The following BACE2 variants were observed in gnomAD, a reference collection of about 807,000 sequenced individuals.
BACE2 encodes 56 kDa aspartic-like protease.
Under a neutral mutation model 46.2 loss-of-function variants are expected in BACE2, and 17 were observed. The ratio of observed to expected loss-of-function variants is 0.37; its 90% CI spans 0.25 to 0.55. BACE2 has a LOEUF of 0.55. Ranked by LOEUF, BACE2 falls within the 20% of genes least tolerant of loss-of-function variation. The pLI, the probability that BACE2 is intolerant of heterozygous loss-of-function variation, is 0.82. For synonymous variants in BACE2, 277 were observed against 295.9 expected (o/e 0.94, Z 0.66); for missense variants, 595 against 698.1 (o/e 0.85, Z 1.66).
rs1264046543 is a variant in BACE2, at chr21:41,281,860, G to T, written c.*6236G>T. 6.6e-6 allele frequency: 1 copy of T among 152,138 alleles called. No homozygotes were observed. Among genetic ancestry groups the T allele is most frequent in the Non-Finnish European group, 1.5e-5 (1 of 68,026 alleles). 9.4% of individuals were successfully genotyped at this position (152,138 alleles called of 1,614,324 possible). A position where few individuals can be genotyped will look rare whatever the true frequency, so the allele number is the denominator to read the frequency against. On this transcript the variant is annotated 3_prime_UTR_variant, in exon 9 of 9. Transcript: ENST00000330333. ...CATCTCTCACATTTATATCAGTGAG[G>T]TTTGAAATTCTGTGTAGCAGTTACT...
At position 41,168,433 on chromosome 21, in the gene BACE2, C is replaced by G; in HGVS notation, c.170C>G (p.Ala57Gly). Residue 57 changes from alanine to glycine, a missense_variant, in exon 1 of 9, where the codon GCC becomes GGC. By Grantham distance (60) the Ala-to-Gly change is moderately conservative. Coordinates refer to ENST00000330333, the MANE Select transcript of BACE2 (RefSeq NM_012105.5). Reference protein sequence around the residue: ...PGPGTPAERHADGLALALEPA... With the variant: ...PGPGTPAERHGDGLALALEPA... ...CCCGGGACCCCTGCCGAGCGCCACGCCGACGGCTTGGCGCTCGCCCTGGAG... is the reference window on the plus strand; with the variant it reads ...CCCGGGACCCCTGCCGAGCGCCACGGCGACGGCTTGGCGCTCGCCCTGGAG... The G allele has an allele frequency of 7.2e-7, 1 of 1,398,558 alleles. No individual in the cohort carries two copies. Among genetic ancestry groups the G allele is most frequent in the Non-Finnish European group, 9.3e-7 (1 of 1,074,400 alleles). The allele number at this position is 1,398,558 out of a possible 1,614,324, so 86.6% of individuals were successfully genotyped here.
At chr21:41,272,525 G>A (rs75692138) in intron 8 of BACE2, among the ~76,000 whole-genome samples, 6,596 of 148,656 alleles carry the variant, frequency 0.044, 190 homozygotes, top group Middle Eastern at 0.087. Flanking sequence ...CTATTGTTTT[G>A]GTTTTTTTTA....
chr21:41,225,941 A>C (rs1568875821), intron 1 of BACE2, among the ~76,000 whole-genome samples: 2 of 152,148 alleles, frequency 1.3e-5, no homozygotes, highest in African/African-American at 4.8e-5. Flanking sequence ...GAAAGCCCAG[A>C]GATAAGAAAG....
intron 8 of BACE2, among the ~76,000 whole-genome samples, chr21:41,274,259 G>A (rs895187124): frequency 2.0e-5 from 3 of 152,044 alleles, no homozygotes; most frequent in Non-Finnish European, 4.4e-5. Flanking sequence ...ACATTAGCAA[G>A]AAAATGCAGT....
intron 1 of BACE2, among the ~76,000 whole-genome samples, chr21:41,191,175 C>T (rs760922246): frequency 6.6e-6 from 1 of 152,216 alleles, no homozygotes; most frequent in Non-Finnish European, 1.5e-5. Flanking sequence ...ACACGGCCTT[C>T]TGGAGAACTT....
intron 1 of BACE2, among the ~76,000 whole-genome samples, chr21:41,202,631 G>A (rs1364022801): frequency 6.6e-6 from 1 of 152,180 alleles, no homozygotes; most frequent in Non-Finnish European, 1.5e-5. Flanking sequence ...AAGGGAGAAC[G>A]TGGTGAAAAA....
In BACE2 at chr21:41,275,531, C is replaced by CCTG; in HGVS notation, c.1475_1477dup (p.Leu492dup). 1.2e-6 allele frequency: 2 copies of CCTG among 1,614,114 alleles called. No individual in the cohort carries two copies. Among genetic ancestry groups the CCTG allele is most frequent in the Non-Finnish European group, 1.7e-6 (2 of 1,180,012 alleles). On this transcript the variant is annotated inframe_insertion, in exon 9 of 9. Coordinates refer to ENST00000330333, the MANE Select transcript of BACE2 (RefSeq NM_012105.5). ...GAGCCATCCTCCTTGTCTTAATCGT[C>CCTG]CTGCTGCTGCTGCCGTTCCGGTGTC... is the stretch of plus-strand genomic sequence containing the variant.
chr21:41,185,578 G>T (rs1202077453), intron 1 of BACE2, among the ~76,000 whole-genome samples: 1 of 152,220 alleles, frequency 6.6e-6, no homozygotes, highest in Non-Finnish European at 1.5e-5. Flanking sequence ...TAACTTCAGG[G>T]TGGAAAAAGA....
intron 1 of BACE2, chr21:41,179,308 G>A: frequency 7.6e-7 from 1 of 1,314,832 alleles, no homozygotes; most frequent in Non-Finnish European, 1.0e-6. Context: ...AGGGTGTCAG[G>A]GTGAGTGAGA....
At chr21:41,171,310 A>G (rs1984601287) in intron 1 of BACE2, among the ~76,000 whole-genome samples, 2 of 152,242 alleles carry the variant, frequency 1.3e-5, no homozygotes, top group Non-Finnish European at 2.9e-5. Context: ...GAGAGGTTCA[A>G]CAGGAACCAG....
rs2088527939 is a variant in BACE2 at position 41,279,875 on chromosome 21, G to T, written c.*4251G>T. Reference sequence around the variant, plus strand: ...TGGGAAGTTCCAGAATCTGAAAAGAGGGCAGGGCAAGAAGGAGCCAGAAGA... The same window carrying T: ...TGGGAAGTTCCAGAATCTGAAAAGATGGCAGGGCAAGAAGGAGCCAGAAGA... On this transcript the variant is annotated 3_prime_UTR_variant, in exon 9 of 9. Transcript: ENST00000330333. 6.6e-6 allele frequency: 1 copy of T among 152,396 alleles called. No homozygotes were observed. 9.4% of individuals were successfully genotyped at this position (152,396 alleles called of 1,614,324 possible). A position where few individuals can be genotyped will look rare whatever the true frequency, so the allele number is the denominator to read the frequency against.
At chr21:41,188,986 C>G (rs1378285213) in intron 1 of BACE2, among the ~76,000 whole-genome samples, 1 of 152,214 alleles carries the variant, frequency 6.6e-6, no homozygotes, top group Non-Finnish European at 1.5e-5. Flanking sequence ...AGCAGTCTCG[C>G]TCCTGTGGCC....
At chr21:41,233,488 G>A (rs1401795007) in intron 2 of BACE2, among the ~76,000 whole-genome samples, 1 of 152,184 alleles carries the variant, frequency 6.6e-6, no homozygotes, top group Non-Finnish European at 1.5e-5. Flanking sequence ...TGCTCCCTCT[G>A]TAAGGAGACC....
chr21:41,240,901 G>T (rs1438979275), intron 3 of BACE2, among the ~76,000 whole-genome samples: 1 of 152,218 alleles, frequency 6.6e-6, no homozygotes, highest in Non-Finnish European at 1.5e-5. Flanking sequence ...CTCACGGATA[G>T]TAAATAATCA....
At chr21:41,190,512 T>C (rs189479926) in intron 1 of BACE2, among the ~76,000 whole-genome samples, 10 of 152,324 alleles carry the variant, frequency 6.6e-5, no homozygotes, top group Non-Finnish European at 1.2e-4. Flanking sequence ...ACAATTACAG[T>C]CCTCGTTTCT....
At chr21:41,235,529 T>C (rs1987091721) in intron 2 of BACE2, among the ~76,000 whole-genome samples, 1 of 152,174 alleles carries the variant, frequency 6.6e-6, no homozygotes, top group African/African-American at 2.4e-5. Flanking sequence ...TTATGAGATA[T>C]ACCAAGAATG....
chr21:41,272,470 TTCTC>T (rs927243143), intron 8 of BACE2, among the ~76,000 whole-genome samples: 2 of 151,966 alleles, frequency 1.3e-5, no homozygotes, highest in African/African-American at 2.4e-5. Context: ...TTTACTGATG[TTCTC>T]TCTCTCTCTT....
intron 1 of BACE2, chr21:41,184,325 T>G (rs1985278967): frequency 6.0e-6 from 1 of 167,090 alleles, no homozygotes; most frequent in Admixed American, 6.5e-5. Context: ...CCACACACTT[T>G]TTCCTCTACT....
Position 41,214,079 on chromosome 21 carries a change from G to A in BACE2, c.313-12187G>A, listed in dbSNP as rs187896329. ...CGTGAGCCAGCACCATGAGGAGCAC[G>A]TGTCACAGCATTTACTTCTCACAAG... is the stretch of plus-strand genomic sequence containing the variant. On this transcript the variant is annotated intron_variant, in intron 1 of 8. Transcript: ENST00000330333. Among the ~76,000 whole-genome samples, 23 of 152,272 alleles carry A rather than the reference G, an allele frequency of 1.5e-4. No homozygotes were observed. In the East Asian group the frequency reaches 3.5e-3, roughly 23 times the overall value.
Sources: gnomAD v4.1 joint callset for allele counts (sites outside exome capture counted in the v4.1 genomes callset) on GRCh38, gnomAD v4.1.1 for gene constraint, MANE v1.5 for transcripts, NCBI Gene and HGNC (gene_info 2026-07-23, HGNC 2026-07-21) for gene names.